Variants in ASTN2 observed in about 807,000 individuals in gnomAD.
ASTN2 encodes the protein astrotactin 2.
Under a neutral mutation model 139.8 loss-of-function variants are expected in ASTN2, and 54 were observed. The ratio of observed to expected loss-of-function variants is 0.39; its 90% confidence interval spans 0.31 to 0.48. The LOEUF (loss-of-function observed/expected upper bound fraction) is 0.48. ASTN2 is among the 20% of genes least tolerant of loss of function. ASTN2 has a pLI of 0.95. For synonymous variants in ASTN2, 756 were observed against 719.5 expected, an observed-to-expected ratio of 1.05 and a Z score of -0.81; for missense variants, 1,565 against 1,725.1, an observed-to-expected ratio of 0.91 and a Z score of 1.64.
chr9:117,266,971 A>G (rs1328391340), intron 2 of ASTN2, among the ~76,000 whole-genome samples: 1 of 152,158 alleles, frequency 6.6e-6, no homozygotes, highest in Admixed American at 6.5e-5. Context: ...TCTAAATAAT[A>G]GAGTGTGGAA....
At chr9:116,829,194 T>C (rs931370687) in intron 11 of ASTN2, among the ~76,000 whole-genome samples, 1 of 151,402 alleles carries the variant, frequency 6.6e-6, no homozygotes, top group Non-Finnish European at 1.5e-5. Flanking sequence ...AGACCCCAAA[T>C]AACCAAAGCA....
At chr9:116,630,416 C>T (rs753828206) in intron 17 of ASTN2, among the ~76,000 whole-genome samples, 1 of 152,142 alleles carries the variant, frequency 6.6e-6, no homozygotes, top group African/African-American at 2.4e-5. Flanking sequence ...GTGATTTCAT[C>T]AATGTCACAA....
intron 16 of ASTN2, among the ~76,000 whole-genome samples, chr9:116,681,981 T>C (rs1859904449): frequency 6.6e-6 from 1 of 151,792 alleles, no homozygotes; most frequent in Non-Finnish European, 1.5e-5. Flanking sequence ...ACTTCATGTC[T>C]AAAACATCAA....
At chr9:116,432,182 T>G (rs1847519149) in intron 22 of ASTN2, among the ~76,000 whole-genome samples, 1 of 152,214 alleles carries the variant, frequency 6.6e-6, no homozygotes, top group South Asian at 2.1e-4. Context: ...ATTCCTGAGC[T>G]GAGAGGACCA....
intron 4 of ASTN2, among the ~76,000 whole-genome samples, chr9:117,119,179 C>T (rs1050044251): frequency 6.6e-6 from 1 of 152,228 alleles, no homozygotes; most frequent in African/African-American, 2.4e-5. Flanking sequence ...AAATTGCCCA[C>T]TCTGCCTGCC....
rs72760106 is a variant in ASTN2, at chr9:117,081,671, C to A, written c.1276+14373G>T. Among the ~76,000 whole-genome samples, 893 of 152,270 alleles carry A rather than the reference C, an allele frequency of 5.9e-3. 10 individuals are homozygous for A. Among genetic ancestry groups the A allele is most frequent in the Non-Finnish European group, 7.8e-3 (528 of 68,030 alleles). On this transcript the variant is annotated intron_variant, in intron 5 of 22. Coordinates refer to ENST00000313400, the MANE Select transcript of ASTN2 (RefSeq NM_001365068.1). ...GGTAGGCCTGGCTGAATCAAGTGAG[C>A]CCTTAAAAGAGAATCGGGCCTTGAA...
chr9:117,397,528 T>C (rs1183264775), intron 1 of ASTN2, among the ~76,000 whole-genome samples: 1 of 152,150 alleles, frequency 6.6e-6, no homozygotes, highest in Non-Finnish European at 1.5e-5. Context: ...TCATATCTGG[T>C]GTATTATGAG....
At chr9:117,168,864 A>G (rs1036636226) in intron 3 of ASTN2, among the ~76,000 whole-genome samples, 1 of 152,172 alleles carries the variant, frequency 6.6e-6, no homozygotes. Context: ...AATGCTGGCT[A>G]AGACTTATAA....
At chr9:117,079,845 G>A (rs1487874558) in intron 5 of ASTN2, among the ~76,000 whole-genome samples, 1 of 152,270 alleles carries the variant, frequency 6.6e-6, no homozygotes, top group African/African-American at 2.4e-5. Context: ...AGTTAAAGTA[G>A]TCAGATCTAA....
chr9:116,535,030 T>C (rs1365252053), intron 19 of ASTN2, among the ~76,000 whole-genome samples: 5 of 152,240 alleles, frequency 3.3e-5, no homozygotes. Flanking sequence ...ACTTGCTTTA[T>C]GAATCTGGGT....
At chr9:116,705,007 C>T (rs1280040114) in intron 16 of ASTN2, among the ~76,000 whole-genome samples, 3 of 152,000 alleles carry the variant, frequency 2.0e-5, no homozygotes, top group South Asian at 4.1e-4. Context: ...TGGCTAGCTT[C>T]AAAGAATTTT....
chr9:116,898,474 A>G (rs962143370), intron 10 of ASTN2, among the ~76,000 whole-genome samples: 1 of 151,880 alleles, frequency 6.6e-6, no homozygotes, highest in African/African-American at 2.4e-5. Flanking sequence ...TTCGCAAATA[A>G]CTTCTCTGCT....
intron 2 of ASTN2, among the ~76,000 whole-genome samples, chr9:117,232,020 A>G (rs1379293359): frequency 6.6e-6 from 1 of 152,108 alleles, no homozygotes; most frequent in Non-Finnish European, 1.5e-5. Flanking sequence ...ATCTGTGGAG[A>G]CAGAGCTGGA....
intron 17 of ASTN2, among the ~76,000 whole-genome samples, chr9:116,647,543 G>T (rs1005390000): frequency 1.3e-5 from 2 of 152,116 alleles, no homozygotes; most frequent in Non-Finnish European, 2.9e-5. Context: ...CAGACATAGG[G>T]GAATCTGGCT....
intron 2 of ASTN2, among the ~76,000 whole-genome samples, chr9:117,274,211 G>A (rs1478754134): frequency 7.2e-5 from 11 of 152,098 alleles, no homozygotes; most frequent in Non-Finnish European, 8.8e-5. Context: ...ATAGCCGGAC[G>A]TGGTGACATG....
At chr9:116,703,600 T>C (rs1293482404) in intron 16 of ASTN2, among the ~76,000 whole-genome samples, 1 of 149,748 alleles carries the variant, frequency 6.7e-6, no homozygotes, top group African/African-American at 2.5e-5. Context: ...TGGGGAGGGG[T>C]AGCATTGGGA....
At chr9:116,829,432 G>A (rs1328855891) in intron 11 of ASTN2, among the ~76,000 whole-genome samples, 3 of 151,770 alleles carry the variant, frequency 2.0e-5, no homozygotes, top group Non-Finnish European at 2.9e-5. Context: ...GTATTAGTCC[G>A]TTATCACACT....
At chr9:117,255,000 G>A (rs773527737) in intron 2 of ASTN2, among the ~76,000 whole-genome samples, 32 of 152,286 alleles carry the variant, frequency 2.1e-4, no homozygotes, top group Admixed American at 2.6e-4. Flanking sequence ...TAGTTGCAGC[G>A]AAGAACATCT....
chr9:116,704,094 G>A (rs1427823148), intron 16 of ASTN2, among the ~76,000 whole-genome samples: 1 of 152,162 alleles, frequency 6.6e-6, no homozygotes, highest in Non-Finnish European at 1.5e-5. Context: ...TTGAAGTCAG[G>A]CTTGTGTCTG....
Sources: allele counts gnomAD v4.1 joint callset (sites outside exome capture counted in the v4.1 genomes callset), GRCh38; gene constraint gnomAD v4.1.1; transcripts MANE v1.5; gene names NCBI Gene and HGNC (gene_info 2026-07-23, HGNC 2026-07-21).